Variants in PRSS27 observed in about 807,000 individuals in gnomAD.
The protein encoded by PRSS27 is channel-activating protease 2.
A neutral mutation model predicts 32.0 loss-of-function variants in PRSS27; 25 were observed. The ratio of observed to expected loss-of-function variants is 0.78; its 90% CI spans 0.57 to 1.09. PRSS27 has a LOEUF of 1.09. Among genes scored for constraint, PRSS27 ranks in the 50% least tolerant of loss-of-function variants. The pLI is 0.00. For missense variants in PRSS27, 401 were observed against 394.9 expected, an observed-to-expected ratio of 1.02 and a Z score of -0.13; for synonymous variants, 178 against 172.2, an observed-to-expected ratio of 1.03 and a Z score of -0.26.
At position 2,717,081 on chromosome 16, in the gene PRSS27, C is replaced by T. The variant is rs117079429; in HGVS notation, c.47-555G>A. The T allele has an allele frequency of 4.2e-3, 658 of 157,848 alleles. 3 individuals carry two copies. The highest frequency in any genetic ancestry group is 0.011 in the South Asian group (60 of 5,344). The allele number at this position is 157,848 out of a possible 1,614,324, so 9.8% of individuals were successfully genotyped here. On this transcript the variant is annotated intron_variant, in intron 1 of 5. Transcript: ENST00000302641. The surrounding 1 kb of genome is among the most constrained non-coding windows in gnomAD (Gnocchi z 4.1). Reference sequence around the variant, plus strand: ...GAGGCCCGAGCCCCACAGGCTTCTCCCTGGCCTCAGGGGAGTAGAGAAGGT... The same window carrying T: ...GAGGCCCGAGCCCCACAGGCTTCTCTCTGGCCTCAGGGGAGTAGAGAAGGT...
chr16:2,719,371 C>G (rs1259252594), intron 1 of PRSS27, among the ~76,000 whole-genome samples: 1 of 152,110 alleles, frequency 6.6e-6, no homozygotes, highest in East Asian at 1.9e-4. Context: ...CCTGGGATGA[C>G]CTGACCCAGC....
At position 2,716,666 on chromosome 16, in the gene PRSS27, G is replaced by A. The variant is rs184922100; in HGVS notation, c.47-140C>T. 5.1e-5 allele frequency: 42 copies of A among 823,708 alleles called. No individual in the cohort carries two copies. The African/African-American group carries it at 6.1e-4, about 12-fold the overall frequency. The allele number at this position is 823,708 out of a possible 1,614,324, so 51.0% of individuals were successfully genotyped here. On this transcript the variant is annotated intron_variant, in intron 1 of 5. Coordinates refer to ENST00000302641, the MANE Select transcript of PRSS27 (RefSeq NM_031948.5). The stretch of plus-strand genomic sequence containing the variant: ...GTCCACAGAGGGACCTCACCGGAGA[G>A]CCCAAGGGCCTGCAGTTTCCCCCCC...
intron 3 of PRSS27, 134 bp downstream of exon 3, chr16:2,715,584 G>A: frequency 1.6e-6 from 1 of 624,574 alleles, no homozygotes; most frequent in Non-Finnish European, 2.6e-6. Context: ...ATCTGGGTGG[G>A]AGGGGCTGGA....
intron 4 of PRSS27, 84 bp downstream of exon 4, chr16:2,713,981 G>A (rs890724392): frequency 2.2e-6 from 3 of 1,392,036 alleles, no homozygotes; most frequent in Middle Eastern, 1.9e-4. Context: ...GCAACAGGAA[G>A]ATTGTGGGTT....
Position 2,720,181 on chromosome 16 carries a change from C to G in PRSS27, c.-21G>C. ...CTCATGTCCTCAGGCCTGGCTGGGG[C>G]GCAGGGCCGTGGTCGGCGGTGGCAG... On this transcript the variant is annotated 5_prime_UTR_variant, in exon 1 of 6. Transcript: ENST00000302641. 1 of 1,581,852 alleles carries G rather than the reference C, an allele frequency of 6.3e-7. No individual in the cohort carries two copies. Among genetic ancestry groups the G allele is most frequent in the Non-Finnish European group, 8.6e-7 (1 of 1,164,080 alleles).
In PRSS27 at chr16:2,714,260, C is replaced by T; in HGVS notation, c.313G>A (p.Ala105Thr). Residue 105 changes from alanine to threonine, a missense_variant, in exon 4 of 6, where the codon GCC (alanine) becomes ACC (threonine). By Grantham distance (58) the Ala-to-Thr change is moderately conservative. Coordinates refer to ENST00000302641, the MANE Select transcript of PRSS27 (RefSeq NM_031948.5). The surrounding 1 kb of genome is among the most constrained non-coding windows in gnomAD (Gnocchi z 4.7). The part of the protein sequence containing the change: ...LVQPGPHAMY[A>T]RVRQVESNPL... ...TTGCTCTCCACCTGCCTCACCCGGG[C>T]ATACATAGCGTGTGGTCCCGGCTGC... 2 of 1,613,472 alleles carry T rather than the reference C, an allele frequency of 1.2e-6. No individual in the cohort carries two copies. The highest frequency in any genetic ancestry group is 8.5e-7 in the Non-Finnish European group (1 of 1,179,794).
Position 2,714,079 on chromosome 16 carries a change from C to A in PRSS27, c.494G>T (p.Ser165Ile). The change falls in exon 4 of 6, where the codon AGC (serine) becomes ATC (isoleucine). Residue 165 changes from serine to isoleucine, a missense_variant. Physicochemically the swap from Ser to Ile is moderately radical, Grantham distance 142. Transcript: ENST00000302641. The surrounding 1 kb of genome is among the most constrained non-coding windows in gnomAD (Gnocchi z 4.7). ...GMNCWVTGWGSPSEEDLLPEP... is the reference protein window; with the variant it reads ...GMNCWVTGWGIPSEEDLLPEP... ...TGTCCCCTTACCTTCCTCACTGGGG[C>A]TGCCCCAGCCAGTGACCCAGCAGTT... 1 of 1,610,008 alleles carries A rather than the reference C, an allele frequency of 6.2e-7. No individual in the cohort carries two copies. The highest frequency in any genetic ancestry group is 8.5e-7 in the Non-Finnish European group (1 of 1,177,622).
intron 5 of PRSS27, chr16:2,713,312 A>G (rs1270173634): frequency 5.1e-6 from 3 of 583,432 alleles, no homozygotes; most frequent in Admixed American, 2.5e-5. Flanking sequence ...GTTAGCCAGG[A>G]TGGTCTCCAT....
In PRSS27 at chr16:2,717,099, G is replaced by C. The variant is rs1393953959; in HGVS notation, c.47-573C>G. 1 of 156,868 alleles carries C rather than the reference G, an allele frequency of 6.4e-6. No individual in the cohort carries two copies. Among genetic ancestry groups the C allele is most frequent in the African/African-American group, 2.4e-5 (1 of 41,538 alleles). The allele number at this position is 156,868 out of a possible 1,614,324, so 9.7% of individuals were successfully genotyped here. A position where few individuals can be genotyped will look rare whatever the true frequency, so the allele number is the denominator to read the frequency against. On this transcript the variant is annotated intron_variant, in intron 1 of 5. Coordinates refer to ENST00000302641, the MANE Select transcript of PRSS27 (RefSeq NM_031948.5). This position sits in a 1 kb window ranked among gnomAD's most constrained non-coding sequence, Gnocchi z 4.1. ...GCTTCTCCCTGGCCTCAGGGGAGTAGAGAAGGTACAGTGGTCTGCATTGGC... is the reference window on the plus strand; with the variant it reads ...GCTTCTCCCTGGCCTCAGGGGAGTACAGAAGGTACAGTGGTCTGCATTGGC...
Position 2,714,556 on chromosome 16 carries a change from T to G in PRSS27, c.237-220A>C. On this transcript the variant is annotated intron_variant, in intron 3 of 5. Coordinates refer to ENST00000302641, the MANE Select transcript of PRSS27 (RefSeq NM_031948.5). This position sits in a 1 kb window ranked among gnomAD's most constrained non-coding sequence, Gnocchi z 4.7. ...TCCACCTCCACCCCTGGCCGCTGTG[T>G]GGCCTTGGGCAAGTCACTTAACAAG... The G allele has an allele frequency of 1.7e-6, 1 of 604,702 alleles. No individual in the cohort carries two copies. The highest frequency in any genetic ancestry group is 3.0e-6 in the Non-Finnish European group (1 of 338,770). 37.5% of individuals were successfully genotyped at this position (604,702 alleles called of 1,614,324 possible). A position where few individuals can be genotyped will look rare whatever the true frequency, so the allele number is the denominator to read the frequency against.
In PRSS27 at chr16:2,713,343, C is replaced by A. The variant is rs2067677372; in HGVS notation, c.678+186G>T. 9.2e-6 allele frequency: 6 copies of A among 650,714 alleles called. No individual in the cohort carries two copies. In the South Asian group the frequency reaches 9.9e-5, roughly 11 times the overall value. 40.3% of individuals were successfully genotyped at this position (650,714 alleles called of 1,614,324 possible). A position where few individuals can be genotyped will look rare whatever the true frequency, so the allele number is the denominator to read the frequency against. ...TCCATCTCCTGACCTTGTGATCCAC[C>A]CTCCTTGGCCTCCCAAAGTGCTGGG... is the stretch of plus-strand genomic sequence containing the variant. On this transcript the variant is annotated intron_variant, in intron 5 of 5. Transcript: ENST00000302641.
chr16:2,713,397 C>T (rs1163965159), intron 5 of PRSS27, 132 bp downstream of exon 5: 1 of 985,598 alleles, frequency 1.0e-6, no homozygotes, highest in Admixed American at 1.8e-5. Context: ...CACACCCGGC[C>T]CTGGAATCTG....
intron 5 of PRSS27, 137 bp downstream of exon 5, chr16:2,713,392 C>T (rs762419283): frequency 3.2e-6 from 3 of 941,136 alleles, no homozygotes; most frequent in Non-Finnish European, 5.2e-6. Context: ...GCCACCACAC[C>T]CGGCCCTGGA....
intron 5 of PRSS27, chr16:2,713,156 T>A: frequency 2.1e-6 from 1 of 472,364 alleles, no homozygotes; most frequent in Non-Finnish European, 3.9e-6. Flanking sequence ...TGGAGTGCAC[T>A]GGCGCGATCT....
rs879070151 is a variant in PRSS27, at chr16:2,713,101, C to CTT, written c.679-289_679-288dup. 1,161 of 414,542 alleles carry CTT rather than the reference C, an allele frequency of 2.8e-3. 4 individuals carry two copies. The highest frequency in any genetic ancestry group is 0.012 in the African/African-American group (557 of 48,246). 25.7% of individuals were successfully genotyped at this position (414,542 alleles called of 1,614,324 possible). ...GGTGGGGTCCAGGAATCTGCTTTTT[C>CTT]TTTTTTTTTTTTATTGAGACGGAGT... On this transcript the variant is annotated intron_variant, in intron 5 of 5. Coordinates refer to ENST00000302641, the MANE Select transcript of PRSS27 (RefSeq NM_031948.5).
Position 2,712,874 on chromosome 16 carries a change from A to G in PRSS27, c.679-60T>C. 5.2e-6 allele frequency: 7 copies of G among 1,340,720 alleles called. No individual in the cohort carries two copies. Among genetic ancestry groups the G allele is most frequent in the Non-Finnish European group, 7.0e-6 (7 of 1,002,660 alleles). The allele number at this position is 1,340,720 out of a possible 1,614,324, so 83.1% of individuals were successfully genotyped here. On this transcript the variant is annotated intron_variant, in intron 5 of 5. Coordinates refer to ENST00000302641, the MANE Select transcript of PRSS27 (RefSeq NM_031948.5). The surrounding 1 kb of genome is among the most constrained non-coding windows in gnomAD (Gnocchi z 4.6). ...CTTGAGTTCCCAGAGACTCAGTTGC[A>G]GCCGCACAGGAGGTGTGTAGCTCCG...
rs984838730 is a variant in PRSS27 at position 2,717,436 on chromosome 16, C to T, written c.47-910G>A. ...AGACCCCAGCCAGGACCATAGTGTACAGCCCCAGGGTAGCAAAGCCTGGAA... is the reference window on the plus strand; with the variant it reads ...AGACCCCAGCCAGGACCATAGTGTATAGCCCCAGGGTAGCAAAGCCTGGAA... On this transcript the variant is annotated intron_variant, in intron 1 of 5. Transcript: ENST00000302641. The surrounding 1 kb of genome is among the most constrained non-coding windows in gnomAD (Gnocchi z 4.1). 3 of 152,414 alleles carry T rather than the reference C, an allele frequency of 2.0e-5. No homozygotes were observed. Among genetic ancestry groups the T allele is most frequent in the East Asian group, 1.9e-4 (1 of 5,196 alleles). The allele number at this position is 152,414 out of a possible 1,614,324, so 9.4% of individuals were successfully genotyped here. A position where few individuals can be genotyped will look rare whatever the true frequency, so the allele number is the denominator to read the frequency against.
chr16:2,719,221 G>A (rs1054699434), intron 1 of PRSS27, among the ~76,000 whole-genome samples: 5 of 152,142 alleles, frequency 3.3e-5, no homozygotes, highest in African/African-American at 1.2e-4. Context: ...CACCTCCTGT[G>A]CACATGGCTT....
At chr16:2,715,121 A>T (rs1399052490) in intron 3 of PRSS27, 1 of 151,532 alleles carries the variant, frequency 6.6e-6, no homozygotes, top group African/African-American at 2.4e-5. Flanking sequence ...TCTTTTAAAG[A>T]TCAAGAAGAA....
Sources: allele counts gnomAD v4.1 joint callset (sites outside exome capture counted in the v4.1 genomes callset), GRCh38; gene constraint gnomAD v4.1.1; non-coding constraint Gnocchi (gnomAD v3.1); transcripts MANE v1.5; gene names NCBI Gene and HGNC (gene_info 2026-07-23, HGNC 2026-07-21).